The following SLC9A1 variants were observed in gnomAD, a reference collection of about 807,000 sequenced individuals.
SLC9A1 encodes solute carrier family 9 member A1.
A neutral mutation model predicts 67.9 loss-of-function variants in SLC9A1; 22 were observed. The ratio of observed to expected loss-of-function variants is 0.32; its 90% CI spans 0.23 to 0.46. The LOEUF (loss-of-function observed/expected upper bound fraction) is 0.46, where lower values mean the gene tolerates loss of function less well. Among genes scored for constraint, SLC9A1 ranks in the 20% least tolerant of loss-of-function variants. The pLI is 1.00. For missense variants in SLC9A1, 686 were observed against 1,094.8 expected, an observed-to-expected ratio of 0.63 and a Z score of 5.27; for synonymous variants, 421 against 471.8, an observed-to-expected ratio of 0.89 and a Z score of 1.40.
intron 1 of SLC9A1, among the ~76,000 whole-genome samples, chr1:27,134,439 A>G (rs2083405734): frequency 6.6e-6 from 1 of 152,284 alleles, no homozygotes; most frequent in South Asian, 2.1e-4. Context: ...ACCTCATGGT[A>G]TCTCTCCGAG....
At chr1:27,102,191 T>G in intron 8 of SLC9A1, 61 bp from the exon 9 acceptor site, 1 of 1,485,052 alleles carries the variant, frequency 6.7e-7, no homozygotes, top group South Asian at 1.1e-5. Context: ...GCCTCCCAGG[T>G]TTGGCCAGAA....
chr1:27,147,649 A>G (rs2083497200), intron 1 of SLC9A1, among the ~76,000 whole-genome samples: 1 of 152,072 alleles, frequency 6.6e-6, no homozygotes, highest in Non-Finnish European at 1.5e-5. Flanking sequence ...CCCCATCTCT[A>G]AAAAAACAAA....
At chr1:27,131,950 ATAT>A (rs1557428214) in intron 1 of SLC9A1, among the ~76,000 whole-genome samples, 977 of 91,932 alleles carry the variant, frequency 0.011, 30 homozygotes, top group East Asian at 0.037. Flanking sequence ...AAAAAAAAAT[ATAT>A]ATATATATAT....
chr1:27,146,545 G>A (rs951092959), intron 1 of SLC9A1, among the ~76,000 whole-genome samples: 2 of 152,216 alleles, frequency 1.3e-5, no homozygotes, highest in African/African-American at 4.8e-5. Flanking sequence ...TCTGAAGTCA[G>A]ACAAATCTGG....
Position 27,100,756 on chromosome 1 carries a change from C to T in SLC9A1, c.2111-112G>A. 1.2e-6 allele frequency: 1 copy of T among 836,886 alleles called. No individual in the cohort carries two copies. The highest frequency in any genetic ancestry group is 1.6e-5 in the South Asian group (1 of 61,080). The allele number at this position is 836,886 out of a possible 1,614,324, so 51.8% of individuals were successfully genotyped here. ...AGGCCTTCTCATGAGCACAGCCGTC[C>T]CGGTCCCAACAGGCCTCAGAAGCAG... On this transcript the variant is annotated intron_variant, in intron 11 of 11. Transcript: ENST00000263980. The surrounding 1 kb of genome is among the most constrained non-coding windows in gnomAD (Gnocchi z 5.6).
At position 27,101,384 on chromosome 1, in the gene SLC9A1, C is replaced by T; in HGVS notation, c.2038-109G>A. 8 of 817,350 alleles carry T rather than the reference C, an allele frequency of 9.8e-6. No homozygotes were observed. The highest frequency in any genetic ancestry group is 1.5e-5 in the South Asian group (1 of 65,122). 50.6% of individuals were successfully genotyped at this position (817,350 alleles called of 1,614,324 possible). On this transcript the variant is annotated intron_variant, in intron 10 of 11. Coordinates refer to ENST00000263980, the MANE Select transcript of SLC9A1 (RefSeq NM_003047.5). The surrounding 1 kb of genome is among the most constrained non-coding windows in gnomAD (Gnocchi z 4.9). ...ACCTTTCGTATATGCAGGGCGCTTG[C>T]TCCCCCTCCCTTGTGCCTGTGTGGG...
At chr1:27,148,057 C>T (rs543395634) in intron 1 of SLC9A1, among the ~76,000 whole-genome samples, 3 of 152,056 alleles carry the variant, frequency 2.0e-5, no homozygotes, top group Non-Finnish European at 4.4e-5. Context: ...TAAAGTCACA[C>T]AGCTGGGCAA....
In SLC9A1 at chr1:27,114,686, A is replaced by C. The variant is rs1056915204; in HGVS notation, c.353-400T>G. Among the ~76,000 whole-genome samples, 1 of 152,180 alleles carries C rather than the reference A, an allele frequency of 6.6e-6. No individual in the cohort carries two copies. The highest frequency in any genetic ancestry group is 2.4e-5 in the African/African-American group (1 of 41,440). On this transcript the variant is annotated intron_variant, in intron 1 of 11. Coordinates refer to ENST00000263980, the MANE Select transcript of SLC9A1 (RefSeq NM_003047.5). The surrounding 1 kb of genome is among the most constrained non-coding windows in gnomAD (Gnocchi z 5.4). ...AACCCAAGGCATTATTCCAGGCACAAGTTCAGGGAGGCAGATCTGAGCTCA... is the reference window on the plus strand; with the variant it reads ...AACCCAAGGCATTATTCCAGGCACACGTTCAGGGAGGCAGATCTGAGCTCA...
At chr1:27,105,576 C>A in intron 5 of SLC9A1, 1 of 640,058 alleles carries the variant, frequency 1.6e-6, no homozygotes, top group South Asian at 1.8e-5. Flanking sequence ...GGATTACAGG[C>A]GTTGAGTCAC....
chr1:27,102,373 C>T lies in SLC9A1; in HGVS notation c.1820+12G>A, dbSNP rs1220564432. ...GTGGGAGCAGAAGCTGCCTGGTTGC[C>T]CCAGCACTCACTGCATGGAGACGGT... is the stretch of plus-strand genomic sequence containing the variant. On this transcript the variant is annotated intron_variant, in intron 8 of 11. Coordinates refer to ENST00000263980, the MANE Select transcript of SLC9A1 (RefSeq NM_003047.5). 3 of 1,578,948 alleles carry T rather than the reference C, an allele frequency of 1.9e-6. No homozygotes were observed.
At chr1:27,134,203 C>A (rs1160270566) in intron 1 of SLC9A1, among the ~76,000 whole-genome samples, 1 of 152,028 alleles carries the variant, frequency 6.6e-6, no homozygotes, top group Non-Finnish European at 1.5e-5. Flanking sequence ...GGAAGAGGAA[C>A]AGTGCAGACT....
chr1:27,150,345 G>A (rs1409559408), intron 1 of SLC9A1, among the ~76,000 whole-genome samples: 1 of 152,204 alleles, frequency 6.6e-6, no homozygotes, highest in Non-Finnish European at 1.5e-5. Context: ...CAGGAGACAA[G>A]ATGAATACCT....
intron 1 of SLC9A1, among the ~76,000 whole-genome samples, chr1:27,125,246 T>TC (rs2083334743): frequency 1.5e-5 from 2 of 134,396 alleles, no homozygotes; most frequent in South Asian, 2.5e-4. Context: ...TCTTTTTTTT[T>TC]TTTTTTTTTT....
intron 4 of SLC9A1, among the ~76,000 whole-genome samples, chr1:27,107,225 A>ACACCCCCACACACC (rs1463559435): frequency 7.8e-6 from 1 of 128,952 alleles, no homozygotes; most frequent in Non-Finnish European, 1.7e-5. Flanking sequence ...CCCTCTACAC[A>ACACCCCCACACACC]CACCCAACCC....
chr1:27,149,615 A>C (rs1240145077), intron 1 of SLC9A1, among the ~76,000 whole-genome samples: 2 of 152,188 alleles, frequency 1.3e-5, no homozygotes, highest in Admixed American at 6.5e-5. Context: ...AAAGGGGAAG[A>C]ATCTGCACGG....
At chr1:27,128,863 A>T (rs1314556754) in intron 1 of SLC9A1, among the ~76,000 whole-genome samples, 1 of 151,930 alleles carries the variant, frequency 6.6e-6, no homozygotes, top group African/African-American at 2.4e-5. Context: ...AGGCTGAGGC[A>T]GGAGAATCAC....
rs2083209946 is a variant in SLC9A1 at position 27,109,187 on chromosome 1, C to T, written c.1064+340G>A. Among the ~76,000 whole-genome samples, 2 of 152,136 alleles carry T rather than the reference C, an allele frequency of 1.3e-5. No homozygotes were observed. Among genetic ancestry groups the T allele is most frequent in the South Asian group, 4.1e-4 (2 of 4,836 alleles). ...GAAGTAGCAGGGCTGTGGCTTTCCT[C>T]AACCTGAAGCTTAGTGGCTTCCAAG... On this transcript the variant is annotated intron_variant, in intron 3 of 11. Coordinates refer to ENST00000263980, the MANE Select transcript of SLC9A1 (RefSeq NM_003047.5). This position sits in a 1 kb window ranked among gnomAD's most constrained non-coding sequence, Gnocchi z 5.5.
chr1:27,131,947 A>AAAAAAAAAAAATATAT, intron 1 of SLC9A1, among the ~76,000 whole-genome samples: 2 of 52,124 alleles, frequency 3.8e-5, no homozygotes, highest in South Asian at 6.1e-4. Context: ...AGAAAAAAAA[A>AAAAAAAAAAAATATAT]ATATATATAT....
chr1:27,129,872 G>C (rs2083373280), intron 1 of SLC9A1, among the ~76,000 whole-genome samples: 1 of 152,066 alleles, frequency 6.6e-6, no homozygotes, highest in Admixed American at 6.6e-5. Flanking sequence ...TCTGACACAG[G>C]GATCACCCTC....
Sources: allele counts gnomAD v4.1 joint callset (sites outside exome capture counted in the v4.1 genomes callset), GRCh38; gene constraint gnomAD v4.1.1; non-coding constraint Gnocchi (gnomAD v3.1); transcripts MANE v1.5; gene names NCBI Gene and HGNC (gene_info 2026-07-23, HGNC 2026-07-21).